Variants in TOX2 observed in about 807,000 individuals in gnomAD.
TOX2 encodes the protein TOX high mobility group box family member 2.
Under a neutral mutation model 47.4 loss-of-function variants are expected in TOX2, and 15 were observed. The ratio of observed to expected loss-of-function variants is 0.32; its 90% CI spans 0.21 to 0.49. The LOEUF (loss-of-function observed/expected upper bound fraction) is 0.49, where lower values mean the gene tolerates loss of function less well. Among genes scored for constraint, TOX2 ranks in the 20% least tolerant of loss-of-function variants. The pLI, the probability that TOX2 is intolerant of heterozygous loss-of-function variation, is 0.99. For missense variants in TOX2, 622 were observed against 673.1 expected, an observed-to-expected ratio of 0.92 and a Z score of 0.84; for synonymous variants, 290 against 296.6, an observed-to-expected ratio of 0.98 and a Z score of 0.23.
intron 2 of TOX2, among the ~76,000 whole-genome samples, chr20:43,984,948 G>A (rs571446205): frequency 6.6e-6 from 1 of 152,240 alleles, no homozygotes; most frequent in East Asian, 1.9e-4. Flanking sequence ...ATCCCCTGTA[G>A]GACCTGAGTT....
At chr20:44,062,637 A>G (rs909164692) in intron 5 of TOX2, among the ~76,000 whole-genome samples, 10 of 152,204 alleles carry the variant, frequency 6.6e-5, no homozygotes, top group African/African-American at 2.4e-4. Flanking sequence ...CAGAACTAGA[A>G]AAAACAATCC....
chr20:44,056,647 C>T (rs568720702), intron 5 of TOX2, among the ~76,000 whole-genome samples: 1 of 152,230 alleles, frequency 6.6e-6, no homozygotes, highest in South Asian at 2.1e-4. Flanking sequence ...TATTTATTTC[C>T]ATCCGATAAT....
rs2071613059 is a variant in TOX2 at position 44,056,229 on chromosome 20, G to C, written c.879+1703G>C. ...GGCCTGCTACACATGCCAGGCTCCT[G>C]CCACCAGAGGGACCCTCAGGCAAAG... On this transcript the variant is annotated intron_variant, in intron 5 of 8. Transcript: ENST00000341197. 2.0e-5 allele frequency among the ~76,000 whole-genome samples: 3 copies of C among 152,330 alleles called. No homozygotes were observed. The Middle Eastern group carries it at 0.01, about 518-fold the overall frequency.
At chr20:44,000,524 A>C (rs1243550540) in intron 2 of TOX2, among the ~76,000 whole-genome samples, 1 of 152,142 alleles carries the variant, frequency 6.6e-6, no homozygotes, top group East Asian at 1.9e-4. Context: ...GGTATCAATT[A>C]ACATCCAAAG....
intron 8 of TOX2, among the ~76,000 whole-genome samples, chr20:44,068,146 GC>G (rs1485451292): frequency 6.6e-6 from 1 of 152,060 alleles, no homozygotes; most frequent in African/African-American, 2.4e-5. Flanking sequence ...TCCTACCCCA[GC>G]CCTTTCCTGT....
chr20:44,039,047 G>C (rs1418089950), intron 3 of TOX2: 3 of 1,255,760 alleles, frequency 2.4e-6, no homozygotes, highest in Non-Finnish European at 3.1e-6. Flanking sequence ...TTGGTTCCCA[G>C]ACATCTCATG....
intron 1 of TOX2, among the ~76,000 whole-genome samples, chr20:43,941,861 C>T (rs1004922629): frequency 3.3e-5 from 5 of 152,186 alleles, no homozygotes; most frequent in African/African-American, 1.2e-4. Flanking sequence ...TTGGCTGGAA[C>T]ATCTCAGCAA....
chr20:43,997,641 A>G (rs1446323641), intron 2 of TOX2, among the ~76,000 whole-genome samples: 1 of 151,874 alleles, frequency 6.6e-6, no homozygotes, highest in Non-Finnish European at 1.5e-5. Flanking sequence ...TTTGTTTTCT[A>G]TTTTATTTTT....
intron 1 of TOX2, among the ~76,000 whole-genome samples, chr20:43,945,507 C>T (rs2069453286): frequency 6.6e-6 from 1 of 152,198 alleles, no homozygotes; most frequent in Non-Finnish European, 1.5e-5. Flanking sequence ...AGTCTAATTG[C>T]TGAATGAAAG....
intron 5 of TOX2, among the ~76,000 whole-genome samples, chr20:44,060,620 A>C (rs1004314649): frequency 4.6e-5 from 7 of 152,182 alleles, no homozygotes; most frequent in South Asian, 2.1e-4. Context: ...AAACAATGCA[A>C]ATATATGGAA....
rs190609529 is a variant in TOX2, at chr20:43,996,418, C to T, written c.166-10129C>T. ...TGACACTGGAACAAGAGGCGTGGAG[C>T]AGGCCTGCCCTGGCCTAGCCAGGAC... is the stretch of plus-strand genomic sequence containing the variant. On this transcript the variant is annotated intron_variant, in intron 2 of 8. Coordinates refer to ENST00000341197, the MANE Select transcript of TOX2 (RefSeq NM_001098797.2). 6.6e-5 allele frequency among the ~76,000 whole-genome samples: 10 copies of T among 152,350 alleles called. No individual in the cohort carries two copies. The East Asian group carries it at 1.9e-3, about 29-fold the overall frequency.
chr20:44,036,138 G>C (rs1451032419), intron 3 of TOX2, among the ~76,000 whole-genome samples: 1 of 152,236 alleles, frequency 6.6e-6, no homozygotes, highest in Admixed American at 6.5e-5. Context: ...ATGCCCGGCA[G>C]CTGGAGAACT....
At chr20:44,050,976 C>G (rs564222831) in intron 3 of TOX2, among the ~76,000 whole-genome samples, 65 of 152,298 alleles carry the variant, frequency 4.3e-4, no homozygotes, top group South Asian at 3.7e-3. Flanking sequence ...ATATTGCATT[C>G]CAGGAGGGAA....
chr20:44,068,662 G>A lies in TOX2; in HGVS notation c.1497G>A (p.Arg499=). The A allele has an allele frequency of 1.9e-6, 3 of 1,613,412 alleles. No individual in the cohort carries two copies. The highest frequency in any genetic ancestry group is 1.1e-5 in the South Asian group (1 of 91,064). ...CTCTCTCTCACAGCCTGCTCCCCAG[G>A]GACAAATCGCTCTACCTCACCTAAT... ...CGISTCSLLP[R]DKSLYLT Residue 499 remains arginine, a synonymous_variant, in exon 9 of 9, where the codon AGG becomes AGA. Coordinates refer to ENST00000341197, the MANE Select transcript of TOX2 (RefSeq NM_001098797.2).
chr20:44,053,455 C>T (rs1415577062), intron 4 of TOX2, among the ~76,000 whole-genome samples: 6 of 146,430 alleles, frequency 4.1e-5, no homozygotes, highest in East Asian at 1.9e-4. Context: ...CACACACACA[C>T]ACACACACAC....
chr20:44,067,915 C>T (rs912143160), intron 8 of TOX2, among the ~76,000 whole-genome samples: 1 of 152,214 alleles, frequency 6.6e-6, no homozygotes, highest in Non-Finnish European at 1.5e-5. Context: ...GCGCACTTGT[C>T]GGGTGGCCAC....
intron 2 of TOX2, among the ~76,000 whole-genome samples, chr20:43,977,830 G>A (rs2070108607): frequency 1.3e-5 from 2 of 152,190 alleles, no homozygotes; most frequent in South Asian, 2.1e-4. Context: ...GTTGAGAGCA[G>A]ACTCTGTCCA....
chr20:44,052,564 G>C (rs369464220), intron 4 of TOX2, among the ~76,000 whole-genome samples: 7 of 152,138 alleles, frequency 4.6e-5, no homozygotes, highest in Admixed American at 3.9e-4. Context: ...AGGATGACTC[G>C]ACCTCTATTA....
chr20:44,025,769 C>T (rs2071051768), intron 3 of TOX2, among the ~76,000 whole-genome samples: 1 of 151,826 alleles, frequency 6.6e-6, no homozygotes, highest in Non-Finnish European at 1.5e-5. Context: ...GAGCAGGGAC[C>T]TTGGGGCTGG....
Sources: gnomAD v4.1 joint callset for allele counts (sites outside exome capture counted in the v4.1 genomes callset) on GRCh38, gnomAD v4.1.1 for gene constraint, MANE v1.5 for transcripts, NCBI Gene and HGNC (gene_info 2026-07-23, HGNC 2026-07-21) for gene names.